FOCAD: variants seen among roughly 807,000 people sequenced by gnomAD.
FOCAD encodes the protein focadhesin, also known as KIAA1797.
FOCAD carries 198 observed loss-of-function variants against 225.6 expected under a neutral mutation model. That is an observed-to-expected ratio of 0.88 (90% CI 0.78 to 0.99). The LOEUF is 0.99. Among genes scored for constraint, FOCAD ranks in the 50% least tolerant of loss-of-function variants. The pLI is 0.00. For synonymous variants in FOCAD, 897 were observed against 755.0 expected (o/e 1.19, Z -3.08); for missense variants, 2,713 against 2,123.6 (o/e 1.28, Z -5.46).
intron 11 of FOCAD, among the ~76,000 whole-genome samples, chr9:20,805,336 G>A (rs1320682811): frequency 6.6e-6 from 1 of 152,098 alleles, no homozygotes; most frequent in Non-Finnish European, 1.5e-5. Flanking sequence ...TTATTCAAGT[G>A]GGAACCAGAG....
intron 4 of FOCAD, among the ~76,000 whole-genome samples, chr9:20,730,638 G>A (rs1204856747): frequency 6.6e-6 from 1 of 152,096 alleles, no homozygotes; most frequent in Non-Finnish European, 1.5e-5. Context: ...TATATAACAA[G>A]TGAGTTAAGA....
At chr9:20,748,171 A>C (rs549400150) in intron 5 of FOCAD, among the ~76,000 whole-genome samples, 72 of 152,244 alleles carry the variant, frequency 4.7e-4, no homozygotes, top group African/African-American at 1.6e-3. Context: ...AGCTGCCATA[A>C]GGGATTGAAA....
intron 28 of FOCAD, among the ~76,000 whole-genome samples, chr9:20,933,934 T>G (rs368368399): frequency 6.6e-6 from 1 of 152,210 alleles, no homozygotes; most frequent in East Asian, 1.9e-4. Context: ...ATTGTGGTTT[T>G]GATTTGCATT....
At chr9:20,809,239 C>T (rs910889691) in intron 11 of FOCAD, among the ~76,000 whole-genome samples, 3 of 152,158 alleles carry the variant, frequency 2.0e-5, no homozygotes, top group African/African-American at 7.2e-5. Context: ...CCTTCTCAGT[C>T]ATCTCAGCCT....
In FOCAD at chr9:20,995,556, C is replaced by A; in HGVS notation, c.5333C>A (p.Ala1778Asp). 1.2e-6 allele frequency: 2 copies of A among 1,612,022 alleles called. No homozygotes were observed. Among genetic ancestry groups the A allele is most frequent in the South Asian group, 2.2e-5 (2 of 91,058 alleles). ...LSAQSRDLLK[A>D]TLLSLRVLPE... Reference sequence around the variant, plus strand: ...CCATACCTATATTTTGTCCCCTTAGCCACCCTGCTGTCCTTGAGAGTTCTC... The same window carrying A: ...CCATACCTATATTTTGTCCCCTTAGACACCCTGCTGTCCTTGAGAGTTCTC... The change falls in exon 44 of 44, where the codon GCC becomes GAC. Residue 1778 changes from alanine (A) to aspartate (D), a missense_variant and splice_region_variant. Coordinates refer to ENST00000338382, the MANE Select transcript of FOCAD (RefSeq NM_001375567.1).
chr9:20,859,605 T>A (rs1392444627), intron 15 of FOCAD, among the ~76,000 whole-genome samples: 4 of 149,412 alleles, frequency 2.7e-5, no homozygotes, highest in Admixed American at 2.7e-4. Context: ...TTTTGACTAG[T>A]GTTTTTTTTT....
At chr9:20,715,798 T>A (rs1825284943) in intron 2 of FOCAD, among the ~76,000 whole-genome samples, 1 of 152,084 alleles carries the variant, frequency 6.6e-6, no homozygotes, top group African/African-American at 2.4e-5. Context: ...TTATATAGAT[T>A]TTTATAATAA....
At chr9:20,944,583 G>A in intron 28 of FOCAD, 44 bp from the exon 29 acceptor site, 2 of 1,587,454 alleles carry the variant, frequency 1.3e-6, no homozygotes, top group African/African-American at 1.3e-5. Flanking sequence ...GCAATTGTGT[G>A]GATTTCTTAT....
At chr9:20,800,881 T>C (rs1221480773) in intron 11 of FOCAD, among the ~76,000 whole-genome samples, 2 of 152,208 alleles carry the variant, frequency 1.3e-5, no homozygotes, top group Non-Finnish European at 1.5e-5. Context: ...CTTTGTTCTG[T>C]TGCTGGTGAG....
intron 16 of FOCAD, among the ~76,000 whole-genome samples, chr9:20,864,775 G>A (rs564558418): frequency 5.3e-5 from 8 of 152,070 alleles, no homozygotes; most frequent in African/African-American, 9.6e-5. Flanking sequence ...TTAAAACTGC[G>A]CTAGGTCTTA....
chr9:20,764,299 G>A (rs1829867778), intron 6 of FOCAD, among the ~76,000 whole-genome samples: 1 of 152,138 alleles, frequency 6.6e-6, no homozygotes, highest in Non-Finnish European at 1.5e-5. Context: ...CTGTTGCCAG[G>A]CTGGAGTGCA....
At chr9:20,909,596 G>A (rs1209771560) in intron 22 of FOCAD, among the ~76,000 whole-genome samples, 1 of 151,948 alleles carries the variant, frequency 6.6e-6, no homozygotes, top group East Asian at 1.9e-4. Flanking sequence ...CCTTTACTTT[G>A]TATTTCTAGT....
At chr9:20,904,121 A>G (rs1196887962) in intron 21 of FOCAD, among the ~76,000 whole-genome samples, 1 of 151,948 alleles carries the variant, frequency 6.6e-6, no homozygotes, top group African/African-American at 2.4e-5. Context: ...ATATTTCATT[A>G]TATGCATATT....
chr9:20,673,810 G>A (rs1822149817), intron 2 of FOCAD, among the ~76,000 whole-genome samples: 1 of 152,160 alleles, frequency 6.6e-6, no homozygotes, highest in African/African-American at 2.4e-5. Flanking sequence ...GAGCTCAAGC[G>A]ATCTGCCCAC....
chr9:20,786,067 T>G (rs1819892891), intron 10 of FOCAD, among the ~76,000 whole-genome samples: 1 of 152,196 alleles, frequency 6.6e-6, no homozygotes, highest in Non-Finnish European at 1.5e-5. Flanking sequence ...TTTTCTGGAT[T>G]ACCCAGGTAG....
chr9:20,853,749 A>G (rs150363515), intron 15 of FOCAD, among the ~76,000 whole-genome samples: 7 of 151,856 alleles, frequency 4.6e-5, no homozygotes, highest in African/African-American at 1.2e-4. Context: ...TTTTTTCCCT[A>G]CAATGCTGCC....
At chr9:20,812,581 C>A (rs1823207426) in intron 11 of FOCAD, among the ~76,000 whole-genome samples, 1 of 151,738 alleles carries the variant, frequency 6.6e-6, no homozygotes, top group Non-Finnish European at 1.5e-5. Context: ...TTGTGTCTCT[C>A]CTGCGTGTTT....
chr9:20,931,208 A>G (rs1452125505), intron 27 of FOCAD, among the ~76,000 whole-genome samples: 1 of 152,182 alleles, frequency 6.6e-6, no homozygotes, highest in Admixed American at 6.5e-5. Flanking sequence ...GTTGTCTTCC[A>G]TTCCTGTCTG....
chr9:20,848,037 C>T (rs1827287531), intron 15 of FOCAD, among the ~76,000 whole-genome samples: 1 of 151,948 alleles, frequency 6.6e-6, no homozygotes, highest in Non-Finnish European at 1.5e-5. Flanking sequence ...TAAGGGAAAA[C>T]TTTCTCTCTG....
Sources: allele counts gnomAD v4.1 joint callset (sites outside exome capture counted in the v4.1 genomes callset), GRCh38; gene constraint gnomAD v4.1.1; transcripts MANE v1.5; gene names NCBI Gene and HGNC (gene_info 2026-07-23, HGNC 2026-07-21).